The following NALF1 variants were observed in gnomAD, a reference collection of about 807,000 sequenced individuals.
NALF1 encodes NALCN channel auxiliary factor 1.
Under a neutral mutation model 48.4 loss-of-function variants are expected in NALF1, and 3 were observed. The ratio of observed to expected loss-of-function variants is 0.06; its 90% confidence interval spans 0.03 to 0.16. NALF1 has a LOEUF of 0.16. NALF1 is among the 10% of genes least tolerant of loss of function. The pLI is 1.00. For synonymous variants in NALF1, 262 were observed against 245.7 expected (o/e 1.07, Z -0.62); for missense variants, 526 against 571.5 (o/e 0.92, Z 0.81).
intron 1 of NALF1, among the ~76,000 whole-genome samples, chr13:107,856,433 A>G: frequency 6.6e-6 from 1 of 152,196 alleles, no homozygotes; most frequent in East Asian, 1.9e-4. Context: ...AGAAGAGATG[A>G]GACAGTATAT....
intron 1 of NALF1, among the ~76,000 whole-genome samples, chr13:107,710,641 C>T (rs1168638174): frequency 2.0e-5 from 3 of 149,366 alleles, no homozygotes; most frequent in South Asian, 2.1e-4. Context: ...TGAGAACTCA[C>T]TATCGCAAGA....
At chr13:107,468,015 T>A (rs1885036115) in intron 1 of NALF1, among the ~76,000 whole-genome samples, 1 of 138,658 alleles carries the variant, frequency 7.2e-6, no homozygotes, top group Admixed American at 7.6e-5. Context: ...GCCACTGCCC[T>A]CCAGCCTGGG....
chr13:107,643,042 T>C (rs1880203624), intron 1 of NALF1, among the ~76,000 whole-genome samples: 2 of 152,136 alleles, frequency 1.3e-5, no homozygotes, highest in African/African-American at 4.8e-5. Flanking sequence ...GACTGTTGGC[T>C]GAAGAGCAGG....
intron 2 of NALF1, among the ~76,000 whole-genome samples, chr13:107,209,229 G>A (rs1410884375): frequency 6.6e-6 from 1 of 152,202 alleles, no homozygotes; most frequent in Admixed American, 6.5e-5. Context: ...ATCCAGGCTG[G>A]GCACAGTGGC....
chr13:107,692,071 G>T (rs909726332), intron 1 of NALF1, among the ~76,000 whole-genome samples: 2 of 152,060 alleles, frequency 1.3e-5, no homozygotes, highest in Admixed American at 1.3e-4. Context: ...ATGAGAATAC[G>T]ACTCACCACA....
intron 1 of NALF1, among the ~76,000 whole-genome samples, chr13:107,777,106 A>C (rs1271531800): frequency 6.6e-6 from 1 of 152,144 alleles, no homozygotes; most frequent in Non-Finnish European, 1.5e-5. Context: ...AAACGAACGA[A>C]CAAAAAACTG....
At chr13:107,193,854 C>T (rs1369371888) in intron 2 of NALF1, among the ~76,000 whole-genome samples, 2 of 152,056 alleles carry the variant, frequency 1.3e-5, no homozygotes, top group East Asian at 3.9e-4. Context: ...AAGTGGAGCT[C>T]AGAGATAGGG....
chr13:107,513,888 C>CA (rs912726245), intron 1 of NALF1, among the ~76,000 whole-genome samples: 1 of 152,186 alleles, frequency 6.6e-6, no homozygotes, highest in Non-Finnish European at 1.5e-5. Context: ...TTTTCAAAGA[C>CA]AAAAGGTATC....
chr13:107,308,393 G>A (rs1252998138), intron 1 of NALF1, among the ~76,000 whole-genome samples: 3 of 151,676 alleles, frequency 2.0e-5, no homozygotes, highest in Non-Finnish European at 4.4e-5. Context: ...CAGTAGAGAC[G>A]GGGTTTCACC....
At chr13:107,539,036 A>T (rs1040075796) in intron 1 of NALF1, among the ~76,000 whole-genome samples, 1 of 149,838 alleles carries the variant, frequency 6.7e-6, no homozygotes, top group African/African-American at 2.5e-5. Context: ...AACCCTTGGT[A>T]GGTATACATT....
rs1442853552 is a variant in NALF1 at position 107,209,715 on chromosome 13, G to T, written c.1087+869C>A. Among the ~76,000 whole-genome samples the T allele has an allele frequency of 5.9e-5, 9 of 152,190 alleles. No homozygotes were observed. In the South Asian group the frequency reaches 1.5e-3, roughly 25 times the overall value. Reference sequence around the variant, plus strand: ...TCTAATGTCAGAAGAGCATTTTCATGTGTCTCTACACATATGATGGTGTTT... The same window carrying T: ...TCTAATGTCAGAAGAGCATTTTCATTTGTCTCTACACATATGATGGTGTTT... On this transcript the variant is annotated intron_variant, in intron 2 of 2. Coordinates refer to ENST00000375915, the MANE Select transcript of NALF1 (RefSeq NM_001080396.3).
At chr13:107,455,881 C>T (rs755529312) in intron 1 of NALF1, among the ~76,000 whole-genome samples, 5 of 150,058 alleles carry the variant, frequency 3.3e-5, no homozygotes, top group Non-Finnish European at 7.4e-5. Flanking sequence ...TTTTTAAGTG[C>T]TGAATATGGG....
At position 107,597,852 on chromosome 13, in the gene NALF1, T is replaced by C. The variant is rs563106297; in HGVS notation, c.915+267830A>G. On this transcript the variant is annotated intron_variant, in intron 1 of 2. Transcript: ENST00000375915. Reference sequence around the variant, plus strand: ...ATTATGTAGAAAAATATCTCAGTTGTTTTTCATCTGGTAGTTAATTACTAC... The same window carrying C: ...ATTATGTAGAAAAATATCTCAGTTGCTTTTCATCTGGTAGTTAATTACTAC... 1.6e-3 allele frequency among the ~76,000 whole-genome samples: 242 copies of C among 152,254 alleles called. 1 individual carries two copies. The highest frequency in any genetic ancestry group is 5.5e-3 in the African/African-American group (228 of 41,556).
At chr13:107,324,417 G>T (rs534926266) in intron 1 of NALF1, among the ~76,000 whole-genome samples, 1 of 152,140 alleles carries the variant, frequency 6.6e-6, no homozygotes, top group Non-Finnish European at 1.5e-5. Context: ...TCTGTTTTAA[G>T]ATACTTGACC....
intron 1 of NALF1, among the ~76,000 whole-genome samples, chr13:107,343,048 C>T (rs956721138): frequency 6.6e-5 from 10 of 152,156 alleles, no homozygotes; most frequent in Middle Eastern, 3.2e-3. Flanking sequence ...ATGTATAAAA[C>T]ACTCTACCCC....
intron 1 of NALF1, among the ~76,000 whole-genome samples, chr13:107,309,067 G>A (rs1226885969): frequency 2.0e-5 from 3 of 152,190 alleles, no homozygotes; most frequent in African/African-American, 7.2e-5. Flanking sequence ...CAATAGAAAT[G>A]TACCTGTCTA....
intron 1 of NALF1, among the ~76,000 whole-genome samples, chr13:107,485,512 C>A (rs1885315631): frequency 6.6e-6 from 1 of 152,142 alleles, no homozygotes; most frequent in Non-Finnish European, 1.5e-5. Context: ...TCAATTATAT[C>A]CATTCCCCAC....
chr13:107,498,528 T>C (rs1326051538), intron 1 of NALF1, among the ~76,000 whole-genome samples: 2 of 152,100 alleles, frequency 1.3e-5, no homozygotes, highest in African/African-American at 4.8e-5. Flanking sequence ...AATATGATGA[T>C]TAATGATCAC....
chr13:107,281,923 G>T (rs1881395615), intron 1 of NALF1, among the ~76,000 whole-genome samples: 1 of 152,160 alleles, frequency 6.6e-6, no homozygotes, highest in Non-Finnish European at 1.5e-5. Flanking sequence ...CCACCCCCAT[G>T]ATTCAATTAC....
Sources: allele counts gnomAD v4.1 joint callset (sites outside exome capture counted in the v4.1 genomes callset), GRCh38; gene constraint gnomAD v4.1.1; transcripts MANE v1.5; gene names NCBI Gene and HGNC (gene_info 2026-07-23, HGNC 2026-07-21).